ATXN7L1: variants seen among roughly 807,000 people sequenced by gnomAD.
ATXN7L1 encodes ataxin-7-like protein 1.
A neutral mutation model predicts 70.8 loss-of-function variants in ATXN7L1; 15 were observed. The observed-to-expected ratio is 0.21, with a 90% CI of 0.14 to 0.33. The LOEUF (loss-of-function observed/expected upper bound fraction) is 0.33, where lower values mean the gene tolerates loss of function less well. Among genes scored for constraint, ATXN7L1 ranks in the 10% least tolerant of loss-of-function variants. The probability of loss-of-function intolerance (pLI) is 1.00; values close to 1 mark genes in which losing one functional copy is unlikely to be tolerated. For missense variants in ATXN7L1, 975 were observed against 1,097.1 expected (o/e 0.89, Z 1.57); for synonymous variants, 440 against 445.1 (o/e 0.99, Z 0.14).
At chr7:105,826,731 A>T (rs1470667031) in intron 2 of ATXN7L1, among the ~76,000 whole-genome samples, 1 of 152,170 alleles carries the variant, frequency 6.6e-6, no homozygotes, top group Non-Finnish European at 1.5e-5. Context: ...GGTTAGACCC[A>T]GACCAGGTCT....
intron 2 of ATXN7L1, among the ~76,000 whole-genome samples, chr7:105,834,389 C>T (rs1207295238): frequency 6.6e-6 from 1 of 152,180 alleles, no homozygotes; most frequent in Non-Finnish European, 1.5e-5. Flanking sequence ...TATAGTATGC[C>T]ACTGAATGGA....
At chr7:105,756,488 A>G (rs1395085271) in intron 3 of ATXN7L1, among the ~76,000 whole-genome samples, 1 of 152,222 alleles carries the variant, frequency 6.6e-6, no homozygotes, top group African/African-American at 2.4e-5. Context: ...CACATTTGGA[A>G]AGGGATTTGG....
At chr7:105,611,763 A>G (rs1199572438) in intron 10 of ATXN7L1, among the ~76,000 whole-genome samples, 1 of 152,192 alleles carries the variant, frequency 6.6e-6, no homozygotes, top group Non-Finnish European at 1.5e-5. Flanking sequence ...GGATCCCCAA[A>G]TTGTTCTCAA....
intron 3 of ATXN7L1, among the ~76,000 whole-genome samples, chr7:105,678,453 T>G: frequency 6.6e-6 from 1 of 152,202 alleles, no homozygotes; most frequent in East Asian, 1.9e-4. Flanking sequence ...TCGCCTGCGT[T>G]GATTCAGGGC....
chr7:105,725,397 GT>G (rs1563039971), intron 3 of ATXN7L1, among the ~76,000 whole-genome samples: 1 of 152,136 alleles, frequency 6.6e-6, no homozygotes, highest in Non-Finnish European at 1.5e-5. Context: ...AATGATTGAT[GT>G]TCCAAGAAAA....
At chr7:105,660,609 G>A (rs986657828) in intron 4 of ATXN7L1, among the ~76,000 whole-genome samples, 1 of 108,758 alleles carries the variant, frequency 9.2e-6, no homozygotes, top group African/African-American at 3.7e-5. Flanking sequence ...TTGAGACAGA[G>A]TCTTGCTCTG....
intron 5 of ATXN7L1, among the ~76,000 whole-genome samples, chr7:105,641,595 G>A (rs1429314096): frequency 2.0e-5 from 3 of 152,242 alleles, no homozygotes; most frequent in Non-Finnish European, 4.4e-5. Flanking sequence ...AGGAGCCCTC[G>A]GCCTCCAGCC....
chr7:105,680,337 G>A (rs930532719), intron 3 of ATXN7L1, among the ~76,000 whole-genome samples: 3 of 152,210 alleles, frequency 2.0e-5, no homozygotes, highest in African/African-American at 7.2e-5. Flanking sequence ...ACCAAAGCCA[G>A]AGACAGTGAG....
chr7:105,868,068 T>C (rs955014947), intron 2 of ATXN7L1, among the ~76,000 whole-genome samples: 2 of 152,222 alleles, frequency 1.3e-5, no homozygotes, highest in African/African-American at 4.8e-5. Context: ...CAGTCTATAT[T>C]CTCTGGCACT....
intron 9 of ATXN7L1, chr7:105,618,143 G>A (rs1354502686): frequency 2.2e-6 from 1 of 446,942 alleles, no homozygotes; most frequent in Non-Finnish European, 4.5e-6. Flanking sequence ...GGACACCAGG[G>A]AGTGAAATAC....
intron 3 of ATXN7L1, chr7:105,760,459 A>G: frequency 1.0e-6 from 1 of 985,788 alleles, no homozygotes; most frequent in African/African-American, 1.7e-5. Context: ...TCCCATTAAG[A>G]ATTCCTAATG....
At chr7:105,667,260 C>A (rs1802752924) in intron 3 of ATXN7L1, among the ~76,000 whole-genome samples, 2 of 152,156 alleles carry the variant, frequency 1.3e-5, no homozygotes, top group Admixed American at 6.5e-5. Context: ...AGGGTCAGGG[C>A]TACTCAAGGA....
chr7:105,648,843 T>G (rs485134), intron 4 of ATXN7L1, among the ~76,000 whole-genome samples: 3,996 of 150,760 alleles, frequency 0.027, 162 homozygotes, highest in African/African-American at 0.094. Context: ...TTGGAAAGAA[T>G]CCAAAAGGTT....
intron 7 of ATXN7L1, among the ~76,000 whole-genome samples, chr7:105,637,387 G>A (rs1002766159): frequency 1.3e-5 from 2 of 152,206 alleles, no homozygotes; most frequent in Non-Finnish European, 2.9e-5. Flanking sequence ...CACACTGTAT[G>A]CATAAAAAAC....
chr7:105,614,179 G>C lies in ATXN7L1; in HGVS notation c.2155C>G (p.Arg719Gly), dbSNP rs758475692. Reference sequence around the variant, plus strand: ...GCGGGGCCGCCGGGCAGCGAGGTCCGTCCTGAGGGCTCCAGTTTGGCACTG... The same window carrying C: ...GCGGGGCCGCCGGGCAGCGAGGTCCCTCCTGAGGGCTCCAGTTTGGCACTG... Reference protein sequence around the residue: ...PLSAKLEPSGRTSLPGGPADI... With the variant: ...PLSAKLEPSGGTSLPGGPADI... Residue 719 changes from arginine to glycine, a missense_variant, in exon 10 of 12, where the codon CGG becomes GGG. Physicochemically the swap from Arg to Gly is moderately radical, Grantham distance 125. This residue lies in a region of ATXN7L1 where 635 missense variants were observed against 699.4 expected (regional missense o/e 0.91). Coordinates refer to ENST00000419735, the MANE Select transcript of ATXN7L1 (RefSeq NM_020725.2). This position sits in a 1 kb window ranked among gnomAD's most constrained non-coding sequence, Gnocchi z 4.3. 1 of 1,551,568 alleles carries C rather than the reference G, an allele frequency of 6.4e-7. No individual in the cohort carries two copies. Among genetic ancestry groups the C allele is most frequent in the Non-Finnish European group, 8.7e-7 (1 of 1,147,012 alleles).
At chr7:105,871,597 C>A (rs1483925009) in intron 2 of ATXN7L1, among the ~76,000 whole-genome samples, 3 of 151,904 alleles carry the variant, frequency 2.0e-5, no homozygotes, top group Non-Finnish European at 4.4e-5. Context: ...GGACTCCCAG[C>A]TACTTGGGAG....
intron 2 of ATXN7L1, among the ~76,000 whole-genome samples, chr7:105,799,602 A>AT (rs559879819): frequency 2.6e-5 from 4 of 151,260 alleles, no homozygotes; most frequent in Non-Finnish European, 5.9e-5. Flanking sequence ...CAATTGCGAC[A>AT]TTTTTTTTTC....
At chr7:105,682,677 C>T (rs1805688523) in intron 3 of ATXN7L1, among the ~76,000 whole-genome samples, 1 of 151,882 alleles carries the variant, frequency 6.6e-6, no homozygotes, top group South Asian at 2.1e-4. Context: ...AGAAGCCAGA[C>T]ACAAAAGGTC....
chr7:105,688,322 G>T (rs535479752), intron 3 of ATXN7L1, among the ~76,000 whole-genome samples: 4 of 152,264 alleles, frequency 2.6e-5, no homozygotes, highest in African/African-American at 9.6e-5. Flanking sequence ...CGGGTGGATG[G>T]CTTGACCTCA....
Sources: gnomAD v4.1 joint callset for allele counts (sites outside exome capture counted in the v4.1 genomes callset) on GRCh38, gnomAD v4.1.1 for gene constraint, gnomAD v4.1.1 regional missense constraint, Gnocchi (gnomAD v3.1) non-coding constraint, MANE v1.5 for transcripts, NCBI Gene and HGNC (gene_info 2026-07-23, HGNC 2026-07-21) for gene names.